Variants in DLG2 observed in about 807,000 individuals in gnomAD.
The protein encoded by DLG2 is disks large homolog 2.
DLG2 carries 45 observed loss-of-function variants against 132.5 expected under a neutral mutation model. The ratio of observed to expected loss-of-function variants is 0.34; its 90% CI spans 0.27 to 0.44. The LOEUF (loss-of-function observed/expected upper bound fraction) is 0.44, where lower values mean the gene tolerates loss of function less well. Ranked by LOEUF, DLG2 falls within the 20% of genes least tolerant of loss-of-function variation. The pLI, the probability that DLG2 is intolerant of heterozygous loss-of-function variation, is 1.00. For synonymous variants in DLG2, 424 were observed against 419.6 expected (o/e 1.01, Z -0.13); for missense variants, 1,045 against 1,196.9 (o/e 0.87, Z 1.87).
intron 6 of DLG2, among the ~76,000 whole-genome samples, chr11:85,018,884 C>A (rs1368769962): frequency 6.7e-6 from 1 of 149,706 alleles, no homozygotes; most frequent in Non-Finnish European, 1.5e-5. Flanking sequence ...CAAAAAATAA[C>A]CCACAGTATC....
chr11:85,039,574 T>C lies in DLG2; in HGVS notation c.357+72087A>G, dbSNP rs7111051. The stretch of plus-strand genomic sequence containing the variant: ...CTCATAGTTATATATGTTAAATAAG[T>C]CATATACATAATAAAGTCCTAAGCA... On this transcript the variant is annotated intron_variant, in intron 6 of 27. Transcript: ENST00000376104. 6.5e-3 allele frequency among the ~76,000 whole-genome samples: 986 copies of C among 151,938 alleles called. 11 individuals carry two copies. The highest frequency in any genetic ancestry group is 0.023 in the African/African-American group (945 of 41,506).
chr11:85,556,663 T>C (rs1221167155), intron 3 of DLG2, among the ~76,000 whole-genome samples: 2 of 151,930 alleles, frequency 1.3e-5, no homozygotes, highest in Non-Finnish European at 1.5e-5. Context: ...TAAGGGAATC[T>C]AAGCACAGAT....
intron 6 of DLG2, among the ~76,000 whole-genome samples, chr11:85,037,110 G>T (rs1379133743): frequency 6.6e-6 from 1 of 152,152 alleles, no homozygotes; most frequent in African/African-American, 2.4e-5. Flanking sequence ...GAAAAGATTT[G>T]TGGTACAATC....
At chr11:85,065,180 T>C (rs1223336034) in intron 6 of DLG2, among the ~76,000 whole-genome samples, 1 of 151,490 alleles carries the variant, frequency 6.6e-6, no homozygotes, top group East Asian at 1.9e-4. Context: ...ACTGTGTATC[T>C]TTTGAACACT....
chr11:84,167,006 G>A (rs781168639), intron 8 of DLG2: 4 of 533,202 alleles, frequency 7.5e-6, no homozygotes, highest in Non-Finnish European at 1.5e-5. Context: ...GAGCTTCACA[G>A]TTGGGGTTTC....
At chr11:85,550,564 G>A (rs990047350) in intron 3 of DLG2, among the ~76,000 whole-genome samples, 1 of 152,160 alleles carries the variant, frequency 6.6e-6, no homozygotes, top group African/African-American at 2.4e-5. Context: ...ACTCATGCAC[G>A]CCAGTTCCCA....
rs529806310 is a variant in DLG2, at chr11:85,249,385, A to T, written c.186+35835T>A. ...ATAATGTTATAATTTTAGCCTATAT[A>T]TATCTGTATGTATTTATATGTGTAT... On this transcript the variant is annotated intron_variant, in intron 4 of 27. Coordinates refer to ENST00000376104, the MANE Select transcript of DLG2 (RefSeq NM_001142699.3). Among the ~76,000 whole-genome samples, 6 of 151,974 alleles carry T rather than the reference A, an allele frequency of 3.9e-5. No homozygotes were observed. The East Asian group carries it at 1.2e-3, about 29-fold the overall frequency.
At chr11:85,278,471 A>C (rs1388515394) in intron 4 of DLG2, among the ~76,000 whole-genome samples, 1 of 152,072 alleles carries the variant, frequency 6.6e-6, no homozygotes, top group Non-Finnish European at 1.5e-5. Flanking sequence ...ATGGTAGTGC[A>C]TGCCTGTAAT....
intron 19 of DLG2, among the ~76,000 whole-genome samples, chr11:83,598,738 T>G (rs1218738110): frequency 6.6e-6 from 1 of 152,222 alleles, no homozygotes; most frequent in Non-Finnish European, 1.5e-5. Context: ...AGGCAGAACT[T>G]TCTCTAAAAT....
chr11:83,712,346 T>A (rs374456189), intron 18 of DLG2, among the ~76,000 whole-genome samples: 1 of 152,048 alleles, frequency 6.6e-6, no homozygotes, highest in Non-Finnish European at 1.5e-5. Flanking sequence ...GGATCAAGAT[T>A]TGCCGGGCGT....
Position 83,576,066 on chromosome 11 carries a change from A to C in DLG2, c.1941-34208T>G, listed in dbSNP as rs2096868933. ...ATAGGGACATGAAACATATAAAAAA[A>C]ATCCAAATTAAACTTGTAGGCATAA... On this transcript the variant is annotated intron_variant, in intron 19 of 27. Transcript: ENST00000376104. 2.0e-5 allele frequency among the ~76,000 whole-genome samples: 3 copies of C among 152,254 alleles called. No individual in the cohort carries two copies. In the South Asian group the frequency reaches 6.2e-4, roughly 31 times the overall value.
intron 18 of DLG2, among the ~76,000 whole-genome samples, chr11:83,734,391 CCTTCCTTCCTTCCT>C (rs1566753322): frequency 6.8e-5 from 10 of 146,048 alleles, no homozygotes; most frequent in Admixed American, 2.8e-4. Context: ...TTCCTTCCTT[CCTTCCTTCCTTCCT>C]TCCCTCCCTC....
In DLG2 at chr11:85,538,777, G is replaced by T. The variant is rs560040387; in HGVS notation, c.40+59880C>A. On this transcript the variant is annotated intron_variant, in intron 3 of 27. Coordinates refer to ENST00000376104, the MANE Select transcript of DLG2 (RefSeq NM_001142699.3). Reference sequence around the variant, plus strand: ...ATACTGCATGTTCTCACTCATAAATGGGAGCTGAACAGTGAGAACACATGG... The same window carrying T: ...ATACTGCATGTTCTCACTCATAAATTGGAGCTGAACAGTGAGAACACATGG... Among the ~76,000 whole-genome samples the T allele has an allele frequency of 6.8e-4, 104 of 151,832 alleles. 4 individuals are homozygous for T. Among genetic ancestry groups the T allele is most frequent in the African/African-American group, 2.4e-3 (98 of 41,176 alleles).
intron 6 of DLG2, among the ~76,000 whole-genome samples, chr11:84,906,240 T>TTTTTTTTTTGG (rs2091493930): frequency 2.6e-5 from 1 of 39,082 alleles, no homozygotes; most frequent in Admixed American, 2.1e-4. Flanking sequence ...GGTTTTTTTG[T>TTTTTTTTTTGG]TTTTTTTTTT....
chr11:83,822,725 A>G (rs759048801), intron 17 of DLG2, among the ~76,000 whole-genome samples: 7 of 152,226 alleles, frequency 4.6e-5, no homozygotes, highest in Non-Finnish European at 1.0e-4. Flanking sequence ...CTGGTTCCTC[A>G]GGCTTCCTGA....
At chr11:85,387,512 G>A (rs1004628425) in intron 3 of DLG2, among the ~76,000 whole-genome samples, 2 of 152,198 alleles carry the variant, frequency 1.3e-5, no homozygotes, top group Non-Finnish European at 2.9e-5. Flanking sequence ...GTTTGAGGAA[G>A]GGCCACAATA....
intron 3 of DLG2, among the ~76,000 whole-genome samples, chr11:85,328,986 C>T (rs2081563927): frequency 8.1e-6 from 1 of 122,740 alleles, no homozygotes; most frequent in Non-Finnish European, 1.7e-5. Context: ...CAACAACAGA[C>T]AAACAGAGAG....
At chr11:85,194,090 G>T (rs1191801106) in intron 4 of DLG2, among the ~76,000 whole-genome samples, 1 of 152,218 alleles carries the variant, frequency 6.6e-6, no homozygotes, top group African/African-American at 2.4e-5. Context: ...AGGTCATGGG[G>T]ATGAGAGGAG....
At chr11:85,447,839 T>G (rs557908511) in intron 3 of DLG2, among the ~76,000 whole-genome samples, 1 of 152,292 alleles carries the variant, frequency 6.6e-6, no homozygotes, top group East Asian at 1.9e-4. Context: ...ATTAGACTTG[T>G]ACATCAATAA....
Sources: allele counts gnomAD v4.1 joint callset (sites outside exome capture counted in the v4.1 genomes callset), GRCh38; gene constraint gnomAD v4.1.1; transcripts MANE v1.5; gene names NCBI Gene and HGNC (gene_info 2026-07-23, HGNC 2026-07-21).